PP2D1: variants seen among roughly 807,000 people sequenced by gnomAD.
PP2D1 encodes the protein protein phosphatase 2C-like domain-containing protein 1.
PP2D1 carries 25 observed loss-of-function variants against 30.2 expected under a neutral mutation model. The ratio of observed to expected loss-of-function variants is 0.83; its 90% CI spans 0.60 to 1.16. PP2D1 has a LOEUF of 1.16. Among genes scored for constraint, PP2D1 ranks in the 50% most tolerant of loss-of-function variants. PP2D1 has a pLI of 0.00. For synonymous variants in PP2D1, 260 were observed against 258.9 expected (o/e 1.00, Z -0.04); for missense variants, 760 against 742.4 (o/e 1.02, Z -0.28).
chr3:20,010,776 TG>T (rs1697375507), intron 1 of PP2D1, among the ~76,000 whole-genome samples: 1 of 152,000 alleles, frequency 6.6e-6, no homozygotes, highest in South Asian at 2.1e-4. Context: ...CACTCCAGCC[TG>T]GGCAACAAGA....
At position 19,985,633 on chromosome 3, in the gene PP2D1, G is replaced by A. The variant is rs565016289; in HGVS notation, c.1640C>T (p.Pro547Leu). 6.1e-5 allele frequency: 93 copies of A among 1,535,736 alleles called. No homozygotes were observed. The Middle Eastern group carries it at 2.7e-3, about 44-fold the overall frequency. The change falls in exon 3 of 3, where the codon CCT (proline) becomes CTT (leucine). Residue 547 changes from proline (P) to leucine (L), a missense_variant. Physicochemically the swap from Pro to Leu is moderately conservative, Grantham distance 98. This residue lies in a region of PP2D1 where 369 missense variants were observed against 316.2 expected (regional missense o/e 1.17). Transcript: ENST00000389050. ...TGCTGGAAATGTTTCTACATTCTCAGGGTTATAAATACAGTATTTAGAATA... is the reference window on the plus strand; with the variant it reads ...TGCTGGAAATGTTTCTACATTCTCAAGGTTATAAATACAGTATTTAGAATA... Reference protein sequence around the residue: ...SNYSKYCIYNPENVETFPAET... With the variant: ...SNYSKYCIYNLENVETFPAET...
chr3:20,006,970 TATACAC>T, intron 1 of PP2D1, among the ~76,000 whole-genome samples: 1 of 148,168 alleles, frequency 6.7e-6, no homozygotes, highest in Non-Finnish European at 1.5e-5. Flanking sequence ...TATACATATA[TATACAC>T]ACATATATAT....
At chr3:19,998,286 C>T (rs4858116) in intron 2 of PP2D1, among the ~76,000 whole-genome samples, 25,603 of 151,514 alleles carry the variant, frequency 0.17, 2,578 homozygotes, top group Non-Finnish European at 0.23. Flanking sequence ...GCCAAGATCG[C>T]GCCACTGCAC....
downstream of PP2D1, chr3:19,985,340 T>G: frequency 1.5e-6 from 2 of 1,342,906 alleles, no homozygotes; most frequent in Non-Finnish European, 2.0e-6. Context: ...GAAGAATCAC[T>G]TTATATTTTG....
intron 1 of PP2D1, among the ~76,000 whole-genome samples, chr3:20,003,041 C>T (rs1421607493): frequency 2.0e-5 from 3 of 149,760 alleles, no homozygotes; most frequent in East Asian, 2.0e-4. Flanking sequence ...GGTGACAGAG[C>T]AAGACTCCAT....
At chr3:19,989,757 G>T (rs1697092261) in intron 2 of PP2D1, among the ~76,000 whole-genome samples, 1 of 152,156 alleles carries the variant, frequency 6.6e-6, no homozygotes, top group Non-Finnish European at 1.5e-5. Flanking sequence ...TACGGCCATA[G>T]CTCTGAAAAC....
chr3:19,990,770 T>G (rs1287009273), intron 2 of PP2D1, among the ~76,000 whole-genome samples: 2 of 138,150 alleles, frequency 1.4e-5, no homozygotes, highest in African/African-American at 6.0e-5. Context: ...TTTTTTTTTT[T>G]GCGGAGTCTT....
At chr3:20,011,428 G>A (rs1176185111) in intron 1 of PP2D1, among the ~76,000 whole-genome samples, 1 of 152,140 alleles carries the variant, frequency 6.6e-6, no homozygotes, top group East Asian at 1.9e-4. Context: ...GCCGGGGACA[G>A]CCATAATACA....
intron 1 of PP2D1, among the ~76,000 whole-genome samples, chr3:20,009,259 G>A (rs1178577536): frequency 6.6e-6 from 1 of 152,190 alleles, no homozygotes; most frequent in Admixed American, 6.5e-5. Flanking sequence ...GCCAGGAGTT[G>A]GGGACCAGCC....
intron 2 of PP2D1, among the ~76,000 whole-genome samples, chr3:19,991,931 A>G (rs1697124403): frequency 1.3e-5 from 2 of 152,208 alleles, no homozygotes; most frequent in Non-Finnish European, 2.9e-5. Flanking sequence ...ACTTAGGGAA[A>G]ATTGAAATAG....
downstream of PP2D1, among the ~76,000 whole-genome samples, chr3:19,980,977 C>G (rs1228883619): frequency 1.3e-5 from 2 of 152,188 alleles, no homozygotes; most frequent in East Asian, 3.9e-4. Flanking sequence ...GCAATCCGAT[C>G]TCAAAGCAGA....
At chr3:19,995,218 CA>C (rs898157375) in intron 2 of PP2D1, among the ~76,000 whole-genome samples, 6 of 147,704 alleles carry the variant, frequency 4.1e-5, no homozygotes, top group African/African-American at 5.0e-5. Flanking sequence ...TTCTTATTGG[CA>C]AAAAAAAAAG....
chr3:20,005,143 AT>A lies in PP2D1; in HGVS notation c.24-3048del, dbSNP rs372688814. On this transcript the variant is annotated intron_variant, in intron 1 of 2. Coordinates refer to ENST00000389050, the MANE Select transcript of PP2D1 (RefSeq NM_001252657.2). ...AATAAATAAATAACTTTATATATAC[AT>A]TTTTTTTTTTAAATTTATTTTTTTT... Among the ~76,000 whole-genome samples, 407 of 124,642 alleles carry A rather than the reference AT, an allele frequency of 3.3e-3. 7 individuals are homozygous for A. Among genetic ancestry groups the A allele is most frequent in the Admixed American group, 0.019 (257 of 13,380 alleles). The allele number at this position is 124,642 out of a possible 152,430, so 81.8% of individuals were successfully genotyped here. A position where few individuals can be genotyped will look rare whatever the true frequency, so the allele number is the denominator to read the frequency against.
intron 1 of PP2D1, among the ~76,000 whole-genome samples, chr3:20,011,145 G>C (rs1697381012): frequency 1.3e-5 from 2 of 152,144 alleles, no homozygotes; most frequent in African/African-American, 4.8e-5. Flanking sequence ...CCAAGAGAAT[G>C]ATCAGTTAGC....
downstream of PP2D1, among the ~76,000 whole-genome samples, chr3:19,981,871 G>C (rs1365618685): frequency 2.0e-5 from 3 of 152,158 alleles, no homozygotes; most frequent in Non-Finnish European, 4.4e-5. Context: ...AGTTTTTGGA[G>C]ATGAGGTCTT....
intron 2 of PP2D1, among the ~76,000 whole-genome samples, chr3:19,991,747 GACACTTGGA>G (rs1322404741): frequency 6.6e-6 from 1 of 152,134 alleles, no homozygotes; most frequent in Non-Finnish European, 1.5e-5. Flanking sequence ...TTAAGAGGTA[GACACTTGGA>G]ACACTTATTT....
chr3:20,003,399 A>C (rs1697279820), intron 1 of PP2D1, among the ~76,000 whole-genome samples: 1 of 151,554 alleles, frequency 6.6e-6, no homozygotes, highest in Non-Finnish European at 1.5e-5. Context: ...TTTTTTTAAA[A>C]AAAAGGTTAA....
intron 2 of PP2D1, among the ~76,000 whole-genome samples, chr3:19,991,382 C>T (rs1697117786): frequency 6.6e-6 from 1 of 152,082 alleles, no homozygotes; most frequent in Non-Finnish European, 1.5e-5. Flanking sequence ...ACATTTTTCT[C>T]AGATAAAGCC....
intron 2 of PP2D1, among the ~76,000 whole-genome samples, chr3:19,999,104 A>G (rs1013771846): frequency 1.4e-4 from 21 of 145,384 alleles, no homozygotes; most frequent in Non-Finnish European, 2.7e-4. Context: ...TTTTTGAGAC[A>G]GAGTCCTGCT....
Sources: allele counts gnomAD v4.1 joint callset (sites outside exome capture counted in the v4.1 genomes callset), GRCh38; gene constraint gnomAD v4.1.1; regional missense constraint gnomAD v4.1.1; transcripts MANE v1.5; gene names NCBI Gene and HGNC (gene_info 2026-07-23, HGNC 2026-07-21).